Variants in DCDC2 observed in about 807,000 individuals in gnomAD.
DCDC2 encodes doublecortin domain containing 2.
DCDC2 carries 40 observed loss-of-function variants against 50.2 expected under a neutral mutation model. The observed-to-expected ratio is 0.80, with a 90% confidence interval of 0.62 to 1.04. The LOEUF (loss-of-function observed/expected upper bound fraction) is 1.04, where lower values mean the gene tolerates loss of function less well. Ranked by LOEUF, DCDC2 falls within the 50% of genes least tolerant of loss-of-function variation. DCDC2 has a pLI of 0.00. For synonymous variants in DCDC2, 234 were observed against 210.6 expected (o/e 1.11, Z -0.96); for missense variants, 570 against 581.9 (o/e 0.98, Z 0.21).
intron 6 of DCDC2, 103 bp downstream of exon 6, chr6:24,288,749 C>A: frequency 9.9e-7 from 1 of 1,010,392 alleles, no homozygotes; most frequent in East Asian, 2.5e-5. Context: ...CACCACGAAG[C>A]GGCTAAGTTT....
intron 6 of DCDC2, 70 bp downstream of exon 6, chr6:24,288,782 G>A (rs1207536484): frequency 1.4e-6 from 2 of 1,420,466 alleles, no homozygotes; most frequent in Non-Finnish European, 2.0e-6. Flanking sequence ...CTTAATTGAA[G>A]CCCAAAGGAC....
At chr6:24,195,702 T>G (rs887930530) in intron 8 of DCDC2, among the ~76,000 whole-genome samples, 1 of 152,142 alleles carries the variant, frequency 6.6e-6, no homozygotes, top group African/African-American at 2.4e-5. Context: ...ACACCAAAAG[T>G]GGTCCCAGAA....
chr6:24,335,035 T>C (rs1176135436), intron 2 of DCDC2, among the ~76,000 whole-genome samples: 1 of 152,206 alleles, frequency 6.6e-6, no homozygotes, highest in South Asian at 2.1e-4. Flanking sequence ...AAAAGACTTG[T>C]ACAACCCTCT....
intron 7 of DCDC2, among the ~76,000 whole-genome samples, chr6:24,265,794 A>G (rs1763106393): frequency 6.6e-6 from 1 of 151,962 alleles, no homozygotes; most frequent in African/African-American, 2.4e-5. Flanking sequence ...GTAAGTGCCT[A>G]CATCAAAAAA....
chr6:24,317,074 C>T (rs1451908895), intron 2 of DCDC2, among the ~76,000 whole-genome samples: 4 of 150,018 alleles, frequency 2.7e-5, no homozygotes, highest in Admixed American at 2.6e-4. Flanking sequence ...CATATATGCA[C>T]ACATACATGC....
Position 24,205,100 on chromosome 6 carries a change from C to T in DCDC2, c.925G>A (p.Glu309Lys). ...TCTGCTCCAGCTTTGAAAATGCCTT[C>T]ATCTATTGAGACAAACACACAGTGA... The part of the protein sequence containing the change: ...NSQETIPNSD[E>K]GIFKAGAERS... Residue 309 changes from glutamate (E) to lysine (K), a missense_variant and splice_region_variant, in exon 8 of 10, where the codon GAA becomes AAA. Coordinates refer to ENST00000378454, the MANE Select transcript of DCDC2 (RefSeq NM_016356.5). 2 of 1,614,188 alleles carry T rather than the reference C, an allele frequency of 1.2e-6. No homozygotes were observed. The highest frequency in any genetic ancestry group is 1.6e-4 in the Middle Eastern group (1 of 6,062).
At chr6:24,252,581 G>C (rs1762815501) in intron 7 of DCDC2, among the ~76,000 whole-genome samples, 1 of 152,190 alleles carries the variant, frequency 6.6e-6, no homozygotes, top group South Asian at 2.1e-4. Flanking sequence ...GGAAGCTCTG[G>C]TAAAAGCAAG....
chr6:24,289,898 G>T (rs1449147741), intron 5 of DCDC2, among the ~76,000 whole-genome samples: 1 of 149,576 alleles, frequency 6.7e-6, no homozygotes, highest in Non-Finnish European at 1.5e-5. Flanking sequence ...GAATCTCTGG[G>T]AAAAGCAACA....
chr6:24,286,533 C>G (rs1214216866), intron 6 of DCDC2, among the ~76,000 whole-genome samples: 1 of 149,348 alleles, frequency 6.7e-6, no homozygotes, highest in Non-Finnish European at 1.5e-5. Flanking sequence ...GTCAAGGCTA[C>G]AGTAAACCAT....
chr6:24,367,916 G>A, the DCDC2 span, among the ~76,000 whole-genome samples: 2 of 152,010 alleles, frequency 1.3e-5, no homozygotes, highest in Non-Finnish European at 2.9e-5. Context: ...GAAAAAAAGC[G>A]ATTGAAAGTA....
At position 24,335,978 on chromosome 6, in the gene DCDC2, C is replaced by G. The variant is rs534950604; in HGVS notation, c.348+17591G>C. ...ACCTAGCTTGGCCCAGTAGTCCCACCCAGGCTTTTACGCCAGTACTGATGG... is the reference window on the plus strand; with the variant it reads ...ACCTAGCTTGGCCCAGTAGTCCCACGCAGGCTTTTACGCCAGTACTGATGG... On this transcript the variant is annotated intron_variant, in intron 2 of 9. Coordinates refer to ENST00000378454, the MANE Select transcript of DCDC2 (RefSeq NM_016356.5). Among the ~76,000 whole-genome samples, 3 of 152,212 alleles carry G rather than the reference C, an allele frequency of 2.0e-5. No homozygotes were observed. The South Asian group carries it at 6.2e-4, about 32-fold the overall frequency.
chr6:24,199,721 A>G, intron 8 of DCDC2, among the ~76,000 whole-genome samples: 1 of 152,210 alleles, frequency 6.6e-6, no homozygotes, highest in South Asian at 2.1e-4. Flanking sequence ...CCTCCAAGCT[A>G]AAGGAGCATG....
At chr6:24,339,578 T>C (rs993800893) in intron 2 of DCDC2, among the ~76,000 whole-genome samples, 2 of 152,208 alleles carry the variant, frequency 1.3e-5, no homozygotes, top group African/African-American at 2.4e-5. Context: ...CTTAAAATAA[T>C]AGCAGAGACC....
rs192323413 is a variant in DCDC2 at position 24,206,366 on chromosome 6, G to A, written c.923-1264C>T. Among the ~76,000 whole-genome samples the A allele has an allele frequency of 5.1e-4, 78 of 151,518 alleles. 1 individual carries two copies. The East Asian group carries it at 0.015, about 28-fold the overall frequency. Reference sequence around the variant, plus strand: ...GAAAATATACAGCCCAGTGAGGAAGGAATGAAGGAAAGAAGGAAGGAAGGA... The same window carrying A: ...GAAAATATACAGCCCAGTGAGGAAGAAATGAAGGAAAGAAGGAAGGAAGGA... On this transcript the variant is annotated intron_variant, in intron 7 of 9. Transcript: ENST00000378454.
chr6:24,277,940 A>G, intron 7 of DCDC2, 109 bp downstream of exon 7: 1 of 882,870 alleles, frequency 1.1e-6, no homozygotes, highest in Non-Finnish European at 1.6e-6. Context: ...TTCTTTGAAA[A>G]CTCTCATATA....
intron 7 of DCDC2, among the ~76,000 whole-genome samples, chr6:24,276,708 T>C (rs1763366341): frequency 6.6e-6 from 1 of 152,160 alleles, no homozygotes; most frequent in Non-Finnish European, 1.5e-5. Flanking sequence ...TGTCACACAA[T>C]AGGCACTCGG....
intron 4 of DCDC2, among the ~76,000 whole-genome samples, chr6:24,297,039 G>T (rs12111422): frequency 0.036 from 5,491 of 152,230 alleles, 223 homozygotes; most frequent in African/African-American, 0.1. Context: ...ACTATTCACA[G>T]TAGCAAAGAA....
intron 7 of DCDC2, among the ~76,000 whole-genome samples, chr6:24,220,220 C>T (rs1762068774): frequency 6.6e-6 from 1 of 152,260 alleles, no homozygotes; most frequent in East Asian, 1.9e-4. Context: ...GATGCATATG[C>T]AGGTACAAAA....
intron 7 of DCDC2, among the ~76,000 whole-genome samples, chr6:24,257,006 C>T (rs944459881): frequency 1.3e-5 from 2 of 152,128 alleles, no homozygotes; most frequent in East Asian, 1.9e-4. Context: ...ATATATTGCA[C>T]CTAAGCTCTA....
Sources: allele counts gnomAD v4.1 joint callset (sites outside exome capture counted in the v4.1 genomes callset), GRCh38; gene constraint gnomAD v4.1.1; transcripts MANE v1.5; gene names NCBI Gene and HGNC (gene_info 2026-07-23, HGNC 2026-07-21).